GRIK4: variants seen among roughly 807,000 people sequenced by gnomAD.
GRIK4 encodes glutamate ionotropic receptor kainate type subunit 4.
A neutral mutation model predicts 104.9 loss-of-function variants in GRIK4; 40 were observed. That is an observed-to-expected ratio of 0.38 (90% CI 0.30 to 0.50). The LOEUF (loss-of-function observed/expected upper bound fraction) is 0.50, where lower values mean the gene tolerates loss of function less well. Among genes scored for constraint, GRIK4 ranks in the 20% least tolerant of loss-of-function variants. The pLI, the probability that GRIK4 is intolerant of heterozygous loss-of-function variation, is 0.93. For missense variants in GRIK4, 1,047 were observed against 1,308.1 expected (o/e 0.80, Z 3.08); for synonymous variants, 485 against 524.9 (o/e 0.92, Z 1.04).
chr11:120,864,520 G>C (rs544766566), intron 9 of GRIK4, among the ~76,000 whole-genome samples: 1 of 152,112 alleles, frequency 6.6e-6, no homozygotes, highest in Admixed American at 6.5e-5. Flanking sequence ...GATTACAGGC[G>C]TGAGCCATCA....
At chr11:120,632,069 C>T (rs1159879072) in intron 1 of GRIK4, among the ~76,000 whole-genome samples, 1 of 152,182 alleles carries the variant, frequency 6.6e-6, no homozygotes, top group Non-Finnish European at 1.5e-5. Context: ...CCTTGAAATT[C>T]GTGTGTTGAA....
At chr11:120,648,807 GAAAC>G (rs112945166) in intron 1 of GRIK4, among the ~76,000 whole-genome samples, 9,790 of 151,204 alleles carry the variant, frequency 0.065, 414 homozygotes, top group African/African-American at 0.12. Context: ...CTTTTTAAGT[GAAAC>G]AAACAAACAA....
At chr11:120,654,058 C>T (rs1393537764) in intron 2 of GRIK4, among the ~76,000 whole-genome samples, 4 of 152,220 alleles carry the variant, frequency 2.6e-5, no homozygotes, top group South Asian at 2.1e-4. Context: ...AGGCCCAGCT[C>T]TGTCTAGGTG....
chr11:120,702,274 G>A (rs1276693574), intron 3 of GRIK4, among the ~76,000 whole-genome samples: 1 of 152,084 alleles, frequency 6.6e-6, no homozygotes, highest in African/African-American at 2.4e-5. Flanking sequence ...TTTTACCTTG[G>A]TACTTACGAG....
chr11:120,858,509 G>T (rs1274418780), intron 8 of GRIK4: 1 of 152,160 alleles, frequency 6.6e-6, no homozygotes, highest in Non-Finnish European at 1.5e-5. Context: ...GTGTGTTTGG[G>T]AAGTTCAGGG....
chr11:120,772,798 G>C (rs1951972599), intron 3 of GRIK4, among the ~76,000 whole-genome samples: 1 of 152,008 alleles, frequency 6.6e-6, no homozygotes, highest in African/African-American at 2.4e-5. Context: ...TTACACAGGG[G>C]AGGGATACCT....
rs377138749 is a variant in GRIK4, at chr11:120,940,544, CA to C, written c.1590+85del. 5.4e-4 allele frequency: 420 copies of C among 774,126 alleles called. 2 individuals carry two copies. In the African/African-American group the frequency reaches 6.6e-3, roughly 12 times the overall value. 48.0% of individuals were successfully genotyped at this position (774,126 alleles called of 1,614,324 possible). Reference sequence around the variant, plus strand: ...AGTTATACGGGAATAATGAATGACTCATGGAAATATTTAGATTTCAAGACTT... The same window carrying C: ...AGTTATACGGGAATAATGAATGACTCTGGAAATATTTAGATTTCAAGACTT... On this transcript the variant is annotated intron_variant, in intron 14 of 20. Coordinates refer to ENST00000527524, the MANE Select transcript of GRIK4 (RefSeq NM_014619.5). This position sits in a 1 kb window ranked among gnomAD's most constrained non-coding sequence, Gnocchi z 4.3.
At chr11:120,559,268 C>A (rs564669582) in intron 1 of GRIK4, among the ~76,000 whole-genome samples, 6 of 152,306 alleles carry the variant, frequency 3.9e-5, no homozygotes, top group African/African-American at 1.4e-4. Flanking sequence ...CAGACTCCCT[C>A]GCTTCGGCTA....
intron 3 of GRIK4, among the ~76,000 whole-genome samples, chr11:120,737,686 A>G (rs756048052): frequency 2.6e-5 from 4 of 152,224 alleles, no homozygotes; most frequent in Non-Finnish European, 5.9e-5. Flanking sequence ...CACTTGGGTG[A>G]TAAATCATAA....
intron 2 of GRIK4, among the ~76,000 whole-genome samples, chr11:120,654,951 C>T (rs1053022674): frequency 7.2e-5 from 11 of 152,136 alleles, no homozygotes; most frequent in Non-Finnish European, 4.4e-5. Flanking sequence ...TGTGATTCCC[C>T]TTGGCCTGCA....
Position 120,518,058 on chromosome 11 carries a change from C to T in GRIK4, c.-159+6171C>T, listed in dbSNP as rs201305572. On this transcript the variant is annotated intron_variant, in intron 1 of 20. Transcript: ENST00000527524. Reference sequence around the variant, plus strand: ...GTTTCTGCTCTCCCTGTTCTCCAGCCTGGGGAGGCTGCTGAGAAGGGAGGT... The same window carrying T: ...GTTTCTGCTCTCCCTGTTCTCCAGCTTGGGGAGGCTGCTGAGAAGGGAGGT... 0.01 allele frequency among the ~76,000 whole-genome samples: 1,533 copies of T among 152,292 alleles called. 49 individuals carry two copies. The East Asian group carries it at 0.14, about 13-fold the overall frequency.
Position 120,961,061 on chromosome 11 carries a change from T to A in GRIK4, c.2027T>A (p.Met676Lys). ...EYGTIHGGSS[M>K]TFFQNSRYQT... is the part of the protein sequence containing the mutation. The stretch of plus-strand genomic sequence containing the variant: ...GGCACAATTCACGGAGGCTCCAGCA[T>A]GACCTTCTTCCAAGTAAACCCCATT... Residue 676 changes from methionine to lysine, a missense_variant, in exon 17 of 21, where the codon ATG becomes AAG. Met to Lys is a moderately conservative substitution (Grantham distance 95). Transcript: ENST00000527524. 6.2e-7 allele frequency: 1 copy of A among 1,614,100 alleles called. No homozygotes were observed. Among genetic ancestry groups the A allele is most frequent in the Non-Finnish European group, 8.5e-7 (1 of 1,179,982 alleles).
intron 3 of GRIK4, among the ~76,000 whole-genome samples, chr11:120,726,370 G>A (rs997195258): frequency 2.0e-5 from 3 of 152,206 alleles, no homozygotes; most frequent in African/African-American, 4.8e-5. Context: ...GAGAATAGAG[G>A]CAGAGAGACC....
chr11:120,854,911 C>T (rs1954064839), intron 8 of GRIK4, among the ~76,000 whole-genome samples: 1 of 152,056 alleles, frequency 6.6e-6, no homozygotes, highest in Admixed American at 6.5e-5. Flanking sequence ...ACATCTAGGT[C>T]AAAATACCCA....
rs184751679 is a variant in GRIK4, at chr11:120,589,382, A to G, written c.-158-64303A>G. On this transcript the variant is annotated intron_variant, in intron 1 of 20. Coordinates refer to ENST00000527524, the MANE Select transcript of GRIK4 (RefSeq NM_014619.5). ...GAGAAGTCAAAATCCTACCTTGGCCACCATCTAAATGCCAAGGGCTTTTCT... is the reference window on the plus strand; with the variant it reads ...GAGAAGTCAAAATCCTACCTTGGCCGCCATCTAAATGCCAAGGGCTTTTCT... Among the ~76,000 whole-genome samples, 9 of 152,274 alleles carry G rather than the reference A, an allele frequency of 5.9e-5. No individual in the cohort carries two copies. In the East Asian group the frequency reaches 1.7e-3, roughly 29 times the overall value.
chr11:120,892,115 G>A (rs986901958), intron 11 of GRIK4, among the ~76,000 whole-genome samples: 1 of 152,196 alleles, frequency 6.6e-6, no homozygotes, highest in African/African-American at 2.4e-5. Context: ...GGTTCATGTG[G>A]CAAGGAGAGT....
chr11:120,794,823 G>A (rs1202478374), intron 3 of GRIK4, among the ~76,000 whole-genome samples: 2 of 152,172 alleles, frequency 1.3e-5, no homozygotes, highest in African/African-American at 4.8e-5. Context: ...TCCAAGGCTG[G>A]TAGCGGCCCA....
rs571511081 is a variant in GRIK4, at chr11:120,740,542, C to T, written c.83-62151C>T. ...ATCATGCACTCCACCCATATAGGGCCCCAGCTGGCAGAGGGGAGGTGAACT... is the reference window on the plus strand; with the variant it reads ...ATCATGCACTCCACCCATATAGGGCTCCAGCTGGCAGAGGGGAGGTGAACT... On this transcript the variant is annotated intron_variant, in intron 3 of 20. Transcript: ENST00000527524. Among the ~76,000 whole-genome samples the T allele has an allele frequency of 5.3e-5, 8 of 152,290 alleles. No individual in the cohort carries two copies. The South Asian group carries it at 8.3e-4, about 16-fold the overall frequency.
chr11:120,936,330 C>A, intron 13 of GRIK4: 1 of 499,838 alleles, frequency 2.0e-6, no homozygotes, highest in Admixed American at 2.1e-5. Context: ...GATGTGAGGG[C>A]AATATTCAGG....
Sources: gnomAD v4.1 joint callset for allele counts (sites outside exome capture counted in the v4.1 genomes callset) on GRCh38, gnomAD v4.1.1 for gene constraint, Gnocchi (gnomAD v3.1) non-coding constraint, MANE v1.5 for transcripts, NCBI Gene and HGNC (gene_info 2026-07-23, HGNC 2026-07-21) for gene names.